The following LACTBL1 variants were observed in gnomAD, a reference collection of about 807,000 sequenced individuals.
LACTBL1 encodes the protein beta-lactamase-like protein 1.
Under a neutral mutation model 39.6 loss-of-function variants are expected in LACTBL1, and 29 were observed. That is an observed-to-expected ratio of 0.73 (90% CI 0.55 to 1.00). The LOEUF (loss-of-function observed/expected upper bound fraction) is 1.00. Among genes scored for constraint, LACTBL1 ranks in the 50% least tolerant of loss-of-function variants. The pLI is 0.00. For synonymous variants in LACTBL1, 361 were observed against 360.7 expected, an observed-to-expected ratio of 1.00 and a Z score of -0.01; for missense variants, 711 against 748.5, an observed-to-expected ratio of 0.95 and a Z score of 0.59.
chr1:22,955,236 G>A (rs1038566570), intron 5 of LACTBL1, 85 bp downstream of exon 7: 1 of 1,069,158 alleles, frequency 9.4e-7, no homozygotes, highest in Admixed American at 2.1e-5. Flanking sequence ...AACCTAGGAT[G>A]AGGTGATGTG....
At chr1:22,962,137 C>T (rs1398207096) in intron 2 of LACTBL1, among the ~76,000 whole-genome samples, 1 of 152,158 alleles carries the variant, frequency 6.6e-6, no homozygotes, top group Non-Finnish European at 1.5e-5. Flanking sequence ...ATGGCGCATT[C>T]CAGGTGCTCA....
exon 6 of LACTBL1, chr1:22,953,442 C>T: frequency 8.1e-7 from 1 of 1,227,490 alleles, no homozygotes; most frequent in Non-Finnish European, 1.0e-6. Context: ...GCTCGGCCTC[C>T]CGGAGGGCGC....
chr1:22,960,504 C>T (rs1164495876), intron 2 of LACTBL1, among the ~76,000 whole-genome samples: 1 of 150,612 alleles, frequency 6.6e-6, no homozygotes, highest in Non-Finnish European at 1.5e-5. Context: ...GTAATCCCAG[C>T]TACTTGGGAG....
the LACTBL1 span, among the ~76,000 whole-genome samples, chr1:22,971,637 C>T: frequency 6.6e-6 from 1 of 152,192 alleles, no homozygotes; most frequent in African/African-American, 2.4e-5. Flanking sequence ...TCCCCGAGGG[C>T]TTGCTGTGCT....
At chr1:22,972,663 G>A in the LACTBL1 span, among the ~76,000 whole-genome samples, 17 of 152,060 alleles carry the variant, frequency 1.1e-4, no homozygotes, top group Non-Finnish European at 2.4e-4. Flanking sequence ...AGGCAAATGG[G>A]ACCATTGGTT....
intron 4 of LACTBL1, among the ~76,000 whole-genome samples, chr1:22,956,889 A>G (rs1469279685): frequency 3.3e-5 from 5 of 152,124 alleles, no homozygotes; most frequent in Non-Finnish European, 7.3e-5. Flanking sequence ...ATCAAAGAGT[A>G]TACAATGGAA....
At chr1:22,953,460 G>A in exon 6 of LACTBL1, 1 of 1,227,634 alleles carries the variant, frequency 8.1e-7, no homozygotes, top group Non-Finnish European at 1.0e-6. Flanking sequence ...CGCGCTCCAG[G>A]GCGGGCAGGA....
At chr1:22,959,893 C>T in intron 3 of LACTBL1, 49 bp downstream of exon 5, 2 of 1,545,260 alleles carry the variant, frequency 1.3e-6, no homozygotes, top group Non-Finnish European at 1.7e-6. Flanking sequence ...TCTCCCTTGC[C>T]CTCCCATCCC....
intron 1 of LACTBL1, among the ~76,000 whole-genome samples, 171 bp from the exon 4 acceptor site, chr1:22,963,387 G>T (rs564553022): frequency 6.6e-6 from 1 of 152,360 alleles, no homozygotes; most frequent in Non-Finnish European, 1.5e-5. Flanking sequence ...GGCCTAGGGA[G>T]CAAAGTGTGC....
chr1:22,958,829 G>A (rs981621508), exon 4 of LACTBL1: 109 of 1,550,514 alleles, frequency 7.0e-5, no homozygotes, highest in Middle Eastern at 3.3e-4. Flanking sequence ...CTGGCATACC[G>A]CTCCAGAGGG....
chr1:22,968,844 G>T (rs560003855), upstream of LACTBL1, among the ~76,000 whole-genome samples: 2 of 152,312 alleles, frequency 1.3e-5, no homozygotes, highest in African/African-American at 4.8e-5. Flanking sequence ...AAATAACATT[G>T]TCTGACACAT....
chr1:22,961,426 TCATTTC>T (rs752978302), intron 2 of LACTBL1, among the ~76,000 whole-genome samples: 19 of 152,038 alleles, frequency 1.2e-4, no homozygotes, highest in Non-Finnish European at 2.6e-4. Context: ...TTTAGTGACA[TCATTTC>T]CACTCACCGT....
rs1054799367 is a variant in LACTBL1 at position 22,959,934 on chromosome 1, C to G, written c.317+8G>C. On this transcript the variant is annotated splice_region_variant and intron_variant, in intron 3 of 5. Coordinates refer to ENST00000426928, the Ensembl canonical transcript of LACTBL1. ...CCTCCACAGGACCCTAGAGATCACC[C>G]AGCTGACCTGTACATGGTGTACTCA... 9.0e-5 allele frequency: 140 copies of G among 1,551,058 alleles called. 1 individual carries two copies. Among genetic ancestry groups the G allele is most frequent in the Non-Finnish European group, 1.2e-4 (133 of 1,147,124 alleles).
intron 1 of LACTBL1, among the ~76,000 whole-genome samples, chr1:22,964,507 C>A (rs1640858285): frequency 6.6e-6 from 1 of 152,216 alleles, no homozygotes; most frequent in African/African-American, 2.4e-5. Flanking sequence ...GCTAGACCAG[C>A]AGCAGAGCTG....
At chr1:22,955,248 G>GACACACA (rs1640749369) in intron 5 of LACTBL1, 73 bp downstream of exon 7, 1 of 1,215,304 alleles carries the variant, frequency 8.2e-7, no homozygotes. Context: ...GGTGATGTGG[G>GACACACA]CTCTTTGCCA....
the LACTBL1 span, among the ~76,000 whole-genome samples, chr1:22,970,449 A>T: frequency 6.6e-6 from 1 of 152,208 alleles, no homozygotes; most frequent in Non-Finnish European, 1.5e-5. Context: ...GGAGGTAGGG[A>T]TGAGGTAGAC....
chr1:22,959,052 C>A, intron 3 of LACTBL1, 132 bp from the exon 6 acceptor site: 1 of 625,796 alleles, frequency 1.6e-6, no homozygotes, highest in Non-Finnish European at 2.8e-6. Context: ...ACATCTCCAA[C>A]AGAAATTAAC....
chr1:22,963,209 C>T (rs1640843510), exon 2 of LACTBL1: 1 of 1,355,756 alleles, frequency 7.4e-7, no homozygotes, highest in African/African-American at 1.5e-5. Flanking sequence ...CCTCTGGTCC[C>T]AGGGAACCTG....
chr1:22,954,070 GC>G, intron 5 of LACTBL1, 46 bp from the exon 8 acceptor site: 1 of 1,468,204 alleles, frequency 6.8e-7, no homozygotes, highest in Non-Finnish European at 9.1e-7. Flanking sequence ...TTCCTCACCC[GC>G]CCGCGCTGTC....
Sources: allele counts gnomAD v4.1 joint callset (sites outside exome capture counted in the v4.1 genomes callset), GRCh38; gene constraint gnomAD v4.1.1; transcripts MANE v1.5; gene names NCBI Gene and HGNC (gene_info 2026-07-23, HGNC 2026-07-21).